Variants in SH3GLB1 observed in about 807,000 individuals in gnomAD.
SH3GLB1 encodes the protein SH3 domain containing GRB2 like, endophilin B1.
SH3GLB1 carries 17 observed loss-of-function variants against 42.0 expected under a neutral mutation model. The ratio of observed to expected loss-of-function variants is 0.40; its 90% CI spans 0.28 to 0.61. The LOEUF (loss-of-function observed/expected upper bound fraction) is 0.61. SH3GLB1 is among the 20% of genes least tolerant of loss of function. The probability of loss-of-function intolerance (pLI) is 0.36; values close to 1 mark genes in which losing one functional copy is unlikely to be tolerated. For synonymous variants in SH3GLB1, 132 were observed against 146.6 expected (o/e 0.90, Z 0.72); for missense variants, 355 against 426.3 (o/e 0.83, Z 1.47).
intron 1 of SH3GLB1, among the ~76,000 whole-genome samples, chr1:86,710,700 T>A (rs1654163374): frequency 1.3e-5 from 2 of 152,252 alleles, no homozygotes; most frequent in Admixed American, 6.5e-5. Context: ...ATTACTTTAA[T>A]ATTCTTTGGA....
At chr1:86,718,142 T>C (rs1654655251) in intron 2 of SH3GLB1, among the ~76,000 whole-genome samples, 1 of 151,488 alleles carries the variant, frequency 6.6e-6, no homozygotes, top group Admixed American at 6.6e-5. Context: ...TGGGTTCAAG[T>C]GATTGTCCTG....
chr1:86,737,402 G>A (rs1447687323), intron 7 of SH3GLB1, among the ~76,000 whole-genome samples: 1 of 152,052 alleles, frequency 6.6e-6, no homozygotes, highest in African/African-American at 2.4e-5. Flanking sequence ...AGTAAAATAT[G>A]GTTAGAGAAC....
At chr1:86,732,101 C>G (rs770952426) in intron 5 of SH3GLB1, among the ~76,000 whole-genome samples, 4 of 152,154 alleles carry the variant, frequency 2.6e-5, no homozygotes, top group Non-Finnish European at 5.9e-5. Flanking sequence ...AATGTTAAGA[C>G]TTTACATTCC....
chr1:86,743,101 A>T, intron 8 of SH3GLB1, 27 bp from the exon 9 acceptor site: 7 of 1,541,800 alleles, frequency 4.5e-6, no homozygotes, highest in Non-Finnish European at 6.3e-6. Context: ...TAATGTAGTT[A>T]ATAACTGGAA....
Position 86,744,183 on chromosome 1 carries a change from T to G in SH3GLB1, c.*948T>G, listed in dbSNP as rs1178892244. 6.6e-6 allele frequency: 1 copy of G among 152,216 alleles called. No individual in the cohort carries two copies. The highest frequency in any genetic ancestry group is 1.5e-5 in the Non-Finnish European group (1 of 68,034). The allele number at this position is 152,216 out of a possible 1,614,324, so 9.4% of individuals were successfully genotyped here. A position where few individuals can be genotyped will look rare whatever the true frequency, so the allele number is the denominator to read the frequency against. ...ATTTATTAATGAACACAGGCTATCT[T>G]GATGAGGATCTCTGCTTATGAAACA... On this transcript the variant is annotated 3_prime_UTR_variant, in exon 9 of 9. Transcript: ENST00000370558.
At chr1:86,733,286 G>C (rs1264638387) in intron 5 of SH3GLB1, among the ~76,000 whole-genome samples, 2 of 152,150 alleles carry the variant, frequency 1.3e-5, no homozygotes, top group Non-Finnish European at 2.9e-5. Flanking sequence ...TAGGTTTGTT[G>C]CCAGTGGGCT....
intron 3 of SH3GLB1, among the ~76,000 whole-genome samples, chr1:86,720,355 T>C (rs1156432514): frequency 2.0e-5 from 3 of 152,216 alleles, no homozygotes; most frequent in Non-Finnish European, 4.4e-5. Flanking sequence ...TTTGTTATAA[T>C]TTTGCAGTAA....
In SH3GLB1 at chr1:86,719,683, A is replaced by G. The variant is rs72961614; in HGVS notation, c.343+48A>G. ...TAATAAGGGATATCTTTATGTTTAG[A>G]TTTATTAGAGATGTCATTAACATAT... On this transcript the variant is annotated intron_variant, in intron 3 of 8. Coordinates refer to ENST00000370558, the MANE Select transcript of SH3GLB1 (RefSeq NM_016009.5). The G allele has an allele frequency of 4.5e-4, 715 of 1,582,602 alleles. 3 individuals are homozygous for G. In the African/African-American group the frequency reaches 8.5e-3, roughly 19 times the overall value.
At position 86,722,526 on chromosome 1, in the gene SH3GLB1, T is replaced by G. The variant is rs773211547; in HGVS notation, c.344-14T>G. On this transcript the variant is annotated splice_polypyrimidine_tract_variant and intron_variant, in intron 3 of 8. Coordinates refer to ENST00000370558, the MANE Select transcript of SH3GLB1 (RefSeq NM_016009.5). ...TACCAGACAATGATTTTTAAAAACA[T>G]TTTTCCTTTGCAGGTAATGCCCTTA... 4 of 1,560,940 alleles carry G rather than the reference T, an allele frequency of 2.6e-6. No homozygotes were observed. Among genetic ancestry groups the G allele is most frequent in the Admixed American group, 2.1e-5 (1 of 46,984 alleles).
At position 86,722,671 on chromosome 1, in the gene SH3GLB1, G is replaced by A. The variant is rs202154654; in HGVS notation, c.475G>A (p.Ala159Thr). ...NFIEGDYKTI[A>T]KERKLLQNKR... Reference sequence around the variant, plus strand: ...TATAGAAGGAGATTACAAAACAATTGCTGTGAGTTGAAAAATGTCCCCTTT... The same window carrying A: ...TATAGAAGGAGATTACAAAACAATTACTGTGAGTTGAAAAATGTCCCCTTT... The change falls in exon 4 of 9, where the codon GCT (alanine) becomes ACT (threonine). Residue 159 changes from alanine (A) to threonine (T), a missense_variant and splice_region_variant. Transcript: ENST00000370558. 1 of 1,590,416 alleles carries A rather than the reference G, an allele frequency of 6.3e-7. No individual in the cohort carries two copies. The highest frequency in any genetic ancestry group is 1.4e-5 in the African/African-American group (1 of 73,570).
rs1656207008 is a variant in SH3GLB1, at chr1:86,744,497, T to C, written c.*1262T>C. 1 of 152,196 alleles carries C rather than the reference T, an allele frequency of 6.6e-6. No homozygotes were observed. The highest frequency in any genetic ancestry group is 1.5e-5 in the Non-Finnish European group (1 of 68,036). The allele number at this position is 152,196 out of a possible 1,614,324, so 9.4% of individuals were successfully genotyped here. A position where few individuals can be genotyped will look rare whatever the true frequency, so the allele number is the denominator to read the frequency against. Reference sequence around the variant, plus strand: ...TGGGGAAAATACAAGGTACTGTATTTGGGAGTCATGTAACTCCAGTTTTGG... The same window carrying C: ...TGGGGAAAATACAAGGTACTGTATTCGGGAGTCATGTAACTCCAGTTTTGG... On this transcript the variant is annotated 3_prime_UTR_variant, in exon 9 of 9. Coordinates refer to ENST00000370558, the MANE Select transcript of SH3GLB1 (RefSeq NM_016009.5).
Position 86,747,137 on chromosome 1 carries a change from T to G in SH3GLB1, c.*3902T>G, listed in dbSNP as rs937234317. The G allele has an allele frequency of 1.3e-5, 2 of 152,652 alleles. No individual in the cohort carries two copies. Among genetic ancestry groups the G allele is most frequent in the Non-Finnish European group, 2.9e-5 (2 of 68,040 alleles). 9.5% of individuals were successfully genotyped at this position (152,652 alleles called of 1,614,324 possible). On this transcript the variant is annotated 3_prime_UTR_variant, in exon 9 of 9. Transcript: ENST00000370558. ...GTAGTCATTGTAATTATAGTTATTT[T>G]TATAATTTATTTGTTTAGTGTATAT...
chr1:86,722,248 T>A (rs535201069), intron 3 of SH3GLB1, among the ~76,000 whole-genome samples: 1 of 151,998 alleles, frequency 6.6e-6, no homozygotes, highest in East Asian at 1.9e-4. Flanking sequence ...GGGCCGACTG[T>A]GACCGTAAAT....
rs566338694 is a variant in SH3GLB1 at position 86,722,797 on chromosome 1, C to G, written c.477+124C>G. Reference sequence around the variant, plus strand: ...GATTACAAAATTAAATAATCTAGGTCAGTGCATGTTCACCAGAACACAAAA... The same window carrying G: ...GATTACAAAATTAAATAATCTAGGTGAGTGCATGTTCACCAGAACACAAAA... On this transcript the variant is annotated intron_variant, in intron 4 of 8. Coordinates refer to ENST00000370558, the MANE Select transcript of SH3GLB1 (RefSeq NM_016009.5). The G allele has an allele frequency of 3.1e-5, 23 of 740,264 alleles. No individual in the cohort carries two copies. In the South Asian group the frequency reaches 5.8e-4, roughly 19 times the overall value. 45.9% of individuals were successfully genotyped at this position (740,264 alleles called of 1,614,324 possible).
chr1:86,736,987 A>G (rs1655811363), intron 7 of SH3GLB1, among the ~76,000 whole-genome samples: 2 of 152,230 alleles, frequency 1.3e-5, no homozygotes, highest in African/African-American at 4.8e-5. Flanking sequence ...CAGTACCAAC[A>G]GGTAGTAGAA....
At chr1:86,723,202 G>A (rs543942337) in intron 4 of SH3GLB1, among the ~76,000 whole-genome samples, 2 of 152,270 alleles carry the variant, frequency 1.3e-5, no homozygotes, top group South Asian at 4.1e-4. Flanking sequence ...GAACTATCAA[G>A]TTAAAGTATG....
rs757623165 is a variant in SH3GLB1, at chr1:86,743,208, A to G, written c.1071A>G (p.Pro357=). The change falls in exon 9 of 9, where the codon CCA becomes CCG. Residue 357 remains proline (P), a synonymous_variant. Coordinates refer to ENST00000370558, the MANE Select transcript of SH3GLB1 (RefSeq NM_016009.5). ...GGGGAAACCAGAAGGGCAAGGTGCC[A>G]ATTACCTACTTAGAACTGCTCAATT... ...GERGNQKGKV[P]ITYLELLN 18 of 1,613,324 alleles carry G rather than the reference A, an allele frequency of 1.1e-5. No homozygotes were observed. In the East Asian group the frequency reaches 2.9e-4, roughly 26 times the overall value.
intron 1 of SH3GLB1, among the ~76,000 whole-genome samples, chr1:86,708,309 C>G (rs116517766): frequency 2.0e-5 from 3 of 152,170 alleles, no homozygotes; most frequent in Non-Finnish European, 4.4e-5. Context: ...ATGCCAATAT[C>G]TCTTTATAAG....
At chr1:86,715,974 C>T in intron 2 of SH3GLB1, 109 bp downstream of exon 2, 2 of 1,180,334 alleles carry the variant, frequency 1.7e-6, no homozygotes, top group Non-Finnish European at 2.4e-6. Flanking sequence ...TTTATTGTAG[C>T]TTCAAGGTCA....
Sources: gnomAD v4.1 joint callset for allele counts (sites outside exome capture counted in the v4.1 genomes callset) on GRCh38, gnomAD v4.1.1 for gene constraint, MANE v1.5 for transcripts, NCBI Gene and HGNC (gene_info 2026-07-23, HGNC 2026-07-21) for gene names.